The following RNF145 variants were observed in gnomAD, a reference collection of about 807,000 sequenced individuals.
RNF145 encodes the protein ring finger protein 145.
Under a neutral mutation model 57.3 loss-of-function variants are expected in RNF145, and 12 were observed. The ratio of observed to expected loss-of-function variants is 0.21; its 90% CI spans 0.13 to 0.34. The LOEUF (loss-of-function observed/expected upper bound fraction) is 0.34, where lower values mean the gene tolerates loss of function less well. Among genes scored for constraint, RNF145 ranks in the 10% least tolerant of loss-of-function variants. The pLI is 1.00. For synonymous variants in RNF145, 262 were observed against 288.3 expected, an observed-to-expected ratio of 0.91 and a Z score of 0.92; for missense variants, 429 against 799.0, an observed-to-expected ratio of 0.54 and a Z score of 5.58.
chr5:159,207,319 T>A (rs191840767), intron 1 of RNF145, among the ~76,000 whole-genome samples: 4 of 152,280 alleles, frequency 2.6e-5, no homozygotes, highest in African/African-American at 9.6e-5. Context: ...TGATTTTTTA[T>A]TTCTCTTATT....
rs1281980414 is a variant in RNF145 at position 159,209,203 on chromosome 5, G to C, written c.-40+28C>G. ...AAGCGGCCGGGGGGCGCGGGGATGG[G>C]AAGGGGCCGGGCGGGCGGCGTGGTC... On this transcript the variant is annotated intron_variant, in intron 1 of 10. Coordinates refer to ENST00000424310, the MANE Select transcript of RNF145 (RefSeq NM_001199383.2). The C allele has an allele frequency of 3.1e-6, 3 of 957,130 alleles. No homozygotes were observed. The East Asian group carries it at 3.6e-4, about 114-fold the overall frequency. The allele number at this position is 957,130 out of a possible 1,614,324, so 59.3% of individuals were successfully genotyped here. A position where few individuals can be genotyped will look rare whatever the true frequency, so the allele number is the denominator to read the frequency against.
At chr5:159,206,460 T>C (rs917724792) in intron 1 of RNF145, among the ~76,000 whole-genome samples, 1 of 152,214 alleles carries the variant, frequency 6.6e-6, no homozygotes, top group African/African-American at 2.4e-5. Context: ...TACACTACAC[T>C]TTAGCACCAC....
chr5:159,186,626 GCACA>G (rs1785065917), intron 3 of RNF145, among the ~76,000 whole-genome samples: 1 of 151,994 alleles, frequency 6.6e-6, no homozygotes, highest in Admixed American at 6.6e-5. Flanking sequence ...ACACATATAC[GCACA>G]CAAACATACC....
chr5:159,184,746 G>A (rs1045050118), intron 3 of RNF145, among the ~76,000 whole-genome samples: 1 of 151,656 alleles, frequency 6.6e-6, no homozygotes. Flanking sequence ...ATTATAAAAG[G>A]TTTTAACTAT....
intron 2 of RNF145, among the ~76,000 whole-genome samples, chr5:159,202,933 A>T (rs914007719): frequency 6.6e-6 from 1 of 152,090 alleles, no homozygotes; most frequent in Non-Finnish European, 1.5e-5. Context: ...AAAAAAAAAA[A>T]ATTATAGTTC....
intron 3 of RNF145, among the ~76,000 whole-genome samples, chr5:159,188,120 T>C (rs1232134226): frequency 4.6e-5 from 7 of 152,078 alleles, no homozygotes; most frequent in East Asian, 3.9e-4. Flanking sequence ...CAGTGGCTCA[T>C]GCCTGTTATC....
At position 159,158,027 on chromosome 5, in the gene RNF145, TG is replaced by T. The variant is rs1784097060; in HGVS notation, c.*642del. ...GTTCAAGAGTCTCAGATTACATGAA[TG>T]CACCCGCAAGGCCCAAGTGCCCACC... On this transcript the variant is annotated 3_prime_UTR_variant, in exon 11 of 11. Transcript: ENST00000424310. 4 of 152,820 alleles carry T rather than the reference TG, an allele frequency of 2.6e-5. No homozygotes were observed. Among genetic ancestry groups the T allele is most frequent in the African/African-American group, 7.2e-5 (3 of 41,452 alleles). The allele number at this position is 152,820 out of a possible 1,614,324, so 9.5% of individuals were successfully genotyped here. A position where few individuals can be genotyped will look rare whatever the true frequency, so the allele number is the denominator to read the frequency against.
chr5:159,194,031 C>A (rs1483419012), intron 3 of RNF145, among the ~76,000 whole-genome samples: 1 of 152,194 alleles, frequency 6.6e-6, no homozygotes, highest in Non-Finnish European at 1.5e-5. Flanking sequence ...TATTCATTGG[C>A]AGACCCAAGT....
chr5:159,196,180 T>C lies in RNF145; in HGVS notation c.185-1356A>G, dbSNP rs567439915. Among the ~76,000 whole-genome samples, 7 of 152,226 alleles carry C rather than the reference T, an allele frequency of 4.6e-5. No homozygotes were observed. In the South Asian group the frequency reaches 1.5e-3, roughly 32 times the overall value. ...TGGGCTACATGTGGCCCAGGATGGC[T>C]TTGAATACAGCCCAACACAAATTCA... On this transcript the variant is annotated intron_variant, in intron 2 of 10. Transcript: ENST00000424310.
At position 159,203,621 on chromosome 5, in the gene RNF145, G is replaced by GTTTTTTTTTTTTTTTTTT; in HGVS notation, c.-5_-4insAAAAAAAAAAAAAAAAAA. The GTTTTTTTTTTTTTTTTTT allele has an allele frequency of 7.9e-7, 1 of 1,270,000 alleles. No individual in the cohort carries two copies. The allele number at this position is 1,270,000 out of a possible 1,614,324, so 78.7% of individuals were successfully genotyped here. ...CCAGTTTCTCCTTTGCAGCCATGTTGTTTTTTTTTTTCTTTTTTTTTTTCT... is the reference window on the plus strand; with the variant it reads ...CCAGTTTCTCCTTTGCAGCCATGTTGTTTTTTTTTTTTTTTTTTTTTTTTTTTTTCTTTTTTTTTTTCT... On this transcript the variant is annotated 5_prime_UTR_variant, in exon 2 of 11. Transcript: ENST00000424310.
At chr5:159,192,567 CAAT>C (rs1421177857) in intron 3 of RNF145, among the ~76,000 whole-genome samples, 2 of 152,088 alleles carry the variant, frequency 1.3e-5, no homozygotes, top group African/African-American at 2.4e-5. Flanking sequence ...TAAAGATTAA[CAAT>C]GAGAAAATGC....
chr5:159,209,651 C>CCCGCGGAGTGCTTT (rs1424741588), upstream of RNF145: 4 of 987,294 alleles, frequency 4.1e-6, no homozygotes, highest in African/African-American at 6.8e-5. Context: ...CACAATCGCG[C>CCCGCGGAGTGCTTT]CCGCGGAGTG....
intron 5 of RNF145, among the ~76,000 whole-genome samples, chr5:159,176,074 T>C (rs750852403): frequency 6.6e-6 from 1 of 152,166 alleles, no homozygotes; most frequent in Non-Finnish European, 1.5e-5. Context: ...TCAAGTACTA[T>C]ATCTAAATGA....
chr5:159,168,486 TTTAA>T (rs1475652087), intron 8 of RNF145, among the ~76,000 whole-genome samples: 2 of 152,176 alleles, frequency 1.3e-5, no homozygotes, highest in East Asian at 1.9e-4. Flanking sequence ...CTTTCTCTCC[TTTAA>T]TTAATTTACA....
chr5:159,161,051 A>C (rs1784200027), intron 10 of RNF145: 1 of 484,842 alleles, frequency 2.1e-6, no homozygotes, highest in South Asian at 3.1e-5. Flanking sequence ...TGAAAACAAC[A>C]ATACATTAGA....
chr5:159,191,574 C>T (rs532592808), intron 3 of RNF145, among the ~76,000 whole-genome samples: 2 of 152,100 alleles, frequency 1.3e-5, no homozygotes, highest in East Asian at 1.9e-4. Context: ...GGGAAGATCA[C>T]GAGGTCAGGA....
chr5:159,185,257 G>T (rs2113171099), intron 3 of RNF145, among the ~76,000 whole-genome samples: 1 of 152,224 alleles, frequency 6.6e-6, no homozygotes, highest in South Asian at 2.1e-4. Flanking sequence ...CTTTAGGCCA[G>T]CTCAGCTTAG....
At chr5:159,208,172 C>T (rs193261336) in intron 1 of RNF145, 5 of 1,382,902 alleles carry the variant, frequency 3.6e-6, no homozygotes, top group Non-Finnish European at 4.7e-6. Context: ...CTACAGTAAC[C>T]CCAACCCAGC....
intron 2 of RNF145, among the ~76,000 whole-genome samples, chr5:159,202,392 C>A (rs1785700736): frequency 6.6e-6 from 1 of 152,170 alleles, no homozygotes; most frequent in African/African-American, 2.4e-5. Context: ...CATAAAGGAA[C>A]TTTCCCATTT....
Sources: gnomAD v4.1 joint callset for allele counts (sites outside exome capture counted in the v4.1 genomes callset) on GRCh38, gnomAD v4.1.1 for gene constraint, MANE v1.5 for transcripts, NCBI Gene and HGNC (gene_info 2026-07-23, HGNC 2026-07-21) for gene names.